TBXAS1: variants seen among roughly 807,000 people sequenced by gnomAD.
TBXAS1 encodes thromboxane-A synthase.
In TBXAS1, 48 loss-of-function variants were observed where a neutral mutation model predicts 60.7. The ratio of observed to expected loss-of-function variants is 0.79; its 90% CI spans 0.63 to 1.01. The LOEUF (loss-of-function observed/expected upper bound fraction) is 1.01, where lower values mean the gene tolerates loss of function less well. TBXAS1 is among the 50% of genes least tolerant of loss of function. TBXAS1 has a pLI of 0.00. For missense variants in TBXAS1, 685 were observed against 686.3 expected (o/e 1.00, Z 0.02); for synonymous variants, 287 against 269.7 (o/e 1.06, Z -0.63).
chr7:139,789,663 C>CT (rs1797315484), intron 4 of TBXAS1: 1 of 147,380 alleles, frequency 6.8e-6, no homozygotes, highest in East Asian at 2.0e-4. Flanking sequence ...GAGCTGGAGT[C>CT]TCTGTTGCCC....
chr7:139,913,286 G>T (rs1805686000), intron 4 of TBXAS1: 5 of 613,872 alleles, frequency 8.1e-6, no homozygotes, highest in South Asian at 7.2e-5. Flanking sequence ...AACTGATTCT[G>T]ATTATTAAAT....
Position 139,927,887 on chromosome 7 carries a change from T to C in TBXAS1, c.334-8304T>C, listed in dbSNP as rs192625017. Among the ~76,000 whole-genome samples the C allele has an allele frequency of 1.1e-4, 16 of 152,298 alleles. No homozygotes were observed. The East Asian group carries it at 3.1e-3, about 29-fold the overall frequency. ...CAATATTTTTAAGCTCAATATTGAA[T>C]CTAGAAGTTTATTTATAGAGATTTC... On this transcript the variant is annotated intron_variant, in intron 4 of 12. Coordinates refer to ENST00000448866, the MANE Select transcript of TBXAS1 (RefSeq NM_001061.7).
chr7:139,958,179 A>G (rs974698864), intron 8 of TBXAS1, among the ~76,000 whole-genome samples: 2 of 152,190 alleles, frequency 1.3e-5, no homozygotes, highest in East Asian at 3.9e-4. Context: ...CAGCATGAAC[A>G]GCATGCTTAT....
chr7:139,962,248 G>T lies in TBXAS1; in HGVS notation c.1134+15G>T. ...AGGAGAAACACGTGAGTACAAGTTG[G>T]ATCCAGTTACCCATGGGATATCCAT... On this transcript the variant is annotated intron_variant, in intron 9 of 12. Transcript: ENST00000448866. 1 of 1,613,904 alleles carries T rather than the reference G, an allele frequency of 6.2e-7. No homozygotes were observed. The highest frequency in any genetic ancestry group is 1.1e-5 in the South Asian group (1 of 90,810).
intron 10 of TBXAS1, among the ~76,000 whole-genome samples, chr7:140,015,504 G>A (rs538275853): frequency 6.6e-6 from 1 of 152,256 alleles, no homozygotes; most frequent in East Asian, 1.9e-4. Context: ...GCCTAGCCTC[G>A]GGGCTGCAGG....
chr7:139,809,233 T>TAGATAGATA (rs1554466810), intron 4 of TBXAS1, among the ~76,000 whole-genome samples: 50 of 131,088 alleles, frequency 3.8e-4, no homozygotes, highest in Non-Finnish European at 5.6e-4. Flanking sequence ...GATAGATAGA[T>TAGATAGATA]GATAGATAGA....
At chr7:139,877,337 C>T (rs975992693) in intron 3 of TBXAS1, among the ~76,000 whole-genome samples, 2 of 152,168 alleles carry the variant, frequency 1.3e-5, no homozygotes, top group African/African-American at 2.4e-5. Context: ...GATAGGTGCT[C>T]GATAAAGGCT....
chr7:139,984,895 CAAAG>C (rs1407267059), intron 9 of TBXAS1, among the ~76,000 whole-genome samples: 3 of 100,316 alleles, frequency 3.0e-5, no homozygotes, highest in African/African-American at 1.2e-4. Flanking sequence ...AAGAAAGCAG[CAAAG>C]AAAGAAAGGA....
At chr7:139,925,430 G>T (rs1475398729) in intron 4 of TBXAS1, among the ~76,000 whole-genome samples, 1 of 151,840 alleles carries the variant, frequency 6.6e-6, no homozygotes, top group Non-Finnish European at 1.5e-5. Context: ...TGCTTTCTTG[G>T]CTTCTTTTTC....
intron 1 of TBXAS1, among the ~76,000 whole-genome samples, chr7:139,840,340 A>G (rs1244485433): frequency 6.6e-6 from 1 of 152,202 alleles, no homozygotes; most frequent in Non-Finnish European, 1.5e-5. Flanking sequence ...TCCCGCCTCC[A>G]GCATGTGGGG....
intron 9 of TBXAS1, among the ~76,000 whole-genome samples, chr7:139,997,616 C>T (rs1813387067): frequency 6.6e-6 from 1 of 152,088 alleles, no homozygotes; most frequent in African/African-American, 2.4e-5. Context: ...AAAACAATGC[C>T]CTATTTCTTT....
rs1404488418 is a variant in TBXAS1, at chr7:139,837,971, TAGCATGTGGTTGAAGGTGGTAA to T, written c.89+8495_89+8516del. On this transcript the variant is annotated intron_variant, in intron 1 of 12. Coordinates refer to ENST00000448866, the MANE Select transcript of TBXAS1 (RefSeq NM_001061.7). ...TCTGCCAATGGCAGGGATGCTCTGC[TAGCATGTGGTTGAAGGTGGTAA>T]AGTCAAGAAGTCCACAACCATCAGC... Among the ~76,000 whole-genome samples the T allele has an allele frequency of 3.3e-5, 5 of 152,332 alleles. No individual in the cohort carries two copies. The East Asian group carries it at 9.6e-4, about 29-fold the overall frequency.
chr7:139,941,894 C>A (rs1000550827), intron 5 of TBXAS1, among the ~76,000 whole-genome samples: 1 of 152,272 alleles, frequency 6.6e-6, no homozygotes, highest in African/African-American at 2.4e-5. Context: ...ATAATGTGAT[C>A]CCCTGGGGAC....
chr7:139,963,451 C>G (rs1337439340), intron 9 of TBXAS1, among the ~76,000 whole-genome samples: 1 of 152,196 alleles, frequency 6.6e-6, no homozygotes, highest in Non-Finnish European at 1.5e-5. Flanking sequence ...AAATGTTGAA[C>G]AGGACAGGAC....
At chr7:139,841,056 C>T (rs2116571489) in intron 1 of TBXAS1, among the ~76,000 whole-genome samples, 1 of 152,368 alleles carries the variant, frequency 6.6e-6, no homozygotes, top group East Asian at 1.9e-4. Flanking sequence ...GCGGCTGCTG[C>T]TTCTTCTGCC....
chr7:139,778,634 C>G lies in TBXAS1; in HGVS notation c.-318+163C>G, dbSNP rs1021740373. Among the ~76,000 whole-genome samples, 1 of 152,062 alleles carries G rather than the reference C, an allele frequency of 6.6e-6. No homozygotes were observed. The highest frequency in any genetic ancestry group is 1.5e-5 in the Non-Finnish European group (1 of 67,998). On this transcript the variant is annotated intron_variant, in intron 1 of 16. Transcript: ENST00000336425. This position sits in a 1 kb window ranked among gnomAD's most constrained non-coding sequence, Gnocchi z 4.8. Reference sequence around the variant, plus strand: ...CCCGGGGTGGTCGCTGGGTTCCTGCCGGAGTCTGGCTTCCACGCCACCCTG... The same window carrying G: ...CCCGGGGTGGTCGCTGGGTTCCTGCGGGAGTCTGGCTTCCACGCCACCCTG...
At chr7:139,861,627 T>C (rs557825691) in intron 1 of TBXAS1, among the ~76,000 whole-genome samples, 1 of 152,302 alleles carries the variant, frequency 6.6e-6, no homozygotes, top group South Asian at 2.1e-4. Context: ...TGCACAGGTA[T>C]TCACATGGCT....
intron 9 of TBXAS1, among the ~76,000 whole-genome samples, chr7:139,986,652 T>C (rs753899741): frequency 2.7e-5 from 4 of 150,858 alleles, no homozygotes; most frequent in Admixed American, 6.6e-5. Context: ...AGAATAATCG[T>C]CTCCAGTTCC....
intron 1 of TBXAS1, among the ~76,000 whole-genome samples, chr7:139,841,847 T>G (rs1357490837): frequency 2.0e-5 from 3 of 152,234 alleles, no homozygotes; most frequent in Admixed American, 6.5e-5. Flanking sequence ...GATATGCCAC[T>G]ATCAGAAAAC....
Sources: gnomAD v4.1 joint callset for allele counts (sites outside exome capture counted in the v4.1 genomes callset) on GRCh38, gnomAD v4.1.1 for gene constraint, Gnocchi (gnomAD v3.1) non-coding constraint, MANE v1.5 for transcripts, NCBI Gene and HGNC (gene_info 2026-07-23, HGNC 2026-07-21) for gene names.